The following SPAG16 variants were observed in gnomAD, a reference collection of about 807,000 sequenced individuals.
The protein encoded by SPAG16 is sperm-associated antigen 16 protein.
SPAG16 carries 86 observed loss-of-function variants against 80.4 expected under a neutral mutation model. The ratio of observed to expected loss-of-function variants is 1.07; its 90% CI spans 0.90 to 1.28. The LOEUF is 1.28. SPAG16 is among the 50% of genes most tolerant of loss of function. SPAG16 has a pLI of 0.00. For synonymous variants in SPAG16, 294 were observed against 265.9 expected (o/e 1.11, Z -1.03); for missense variants, 870 against 765.3 (o/e 1.14, Z -1.61).
intron 13 of SPAG16, among the ~76,000 whole-genome samples, chr2:214,107,264 G>T (rs1304237181): frequency 6.6e-6 from 1 of 152,098 alleles, no homozygotes; most frequent in African/African-American, 2.4e-5. Flanking sequence ...TGAGAATAAG[G>T]TTCTTTGTCT....
At chr2:213,301,185 A>G (rs1462909179) in intron 3 of SPAG16, among the ~76,000 whole-genome samples, 1 of 152,138 alleles carries the variant, frequency 6.6e-6, no homozygotes, top group African/African-American at 2.4e-5. Flanking sequence ...ACTAGTCTCA[A>G]GAAAAAGAGC....
At chr2:213,618,357 T>C (rs2061665935) in intron 10 of SPAG16, among the ~76,000 whole-genome samples, 1 of 152,232 alleles carries the variant, frequency 6.6e-6, no homozygotes, top group Non-Finnish European at 1.5e-5. Context: ...TATTATGATA[T>C]TTTTCCTTCA....
At chr2:213,326,367 AG>A (rs2063839794) in intron 5 of SPAG16, among the ~76,000 whole-genome samples, 1 of 152,018 alleles carries the variant, frequency 6.6e-6, no homozygotes, top group South Asian at 2.1e-4. Flanking sequence ...AGACCCATTT[AG>A]TTTTATGACT....
chr2:214,397,520 T>A (rs1701468608), intron 15 of SPAG16, among the ~76,000 whole-genome samples: 1 of 152,172 alleles, frequency 6.6e-6, no homozygotes. Flanking sequence ...TTCTATTCCT[T>A]CGCAACTATA....
At chr2:214,246,529 ATACT>A (rs1306495981) in intron 15 of SPAG16, among the ~76,000 whole-genome samples, 3 of 152,110 alleles carry the variant, frequency 2.0e-5, no homozygotes, top group Non-Finnish European at 4.4e-5. Context: ...AACCCTGAGC[ATACT>A]ATAAGCCCTT....
chr2:214,126,882 T>C (rs1041500451), intron 14 of SPAG16, among the ~76,000 whole-genome samples: 2 of 151,886 alleles, frequency 1.3e-5, no homozygotes, highest in African/African-American at 4.8e-5. Flanking sequence ...TACATATATA[T>C]TTTTAAAAGG....
In SPAG16 at chr2:213,637,150, G is replaced by T. The variant is rs1003294685; in HGVS notation, c.1070+147060G>T. The stretch of plus-strand genomic sequence containing the variant: ...CCCTTCTATGCTGATTTTGCTGAGG[G>T]TTTAAATCATAAAGGCATGCTGGAT... On this transcript the variant is annotated intron_variant, in intron 10 of 15. Coordinates refer to ENST00000331683, the MANE Select transcript of SPAG16 (RefSeq NM_024532.5). Among the ~76,000 whole-genome samples the T allele has an allele frequency of 2.0e-5, 3 of 152,238 alleles. No homozygotes were observed. In the East Asian group the frequency reaches 5.8e-4, roughly 29 times the overall value.
chr2:214,088,217 T>A (rs2051913698), intron 13 of SPAG16, among the ~76,000 whole-genome samples: 2 of 151,150 alleles, frequency 1.3e-5, no homozygotes, highest in African/African-American at 4.9e-5. Context: ...GAAAAAAAAA[T>A]TAGATAAAAG....
At position 213,441,044 on chromosome 2, in the gene SPAG16, T is replaced by A. The variant is rs758220753; in HGVS notation, c.943-48919T>A. Among the ~76,000 whole-genome samples the A allele has an allele frequency of 5.3e-5, 8 of 152,324 alleles. No individual in the cohort carries two copies. In the East Asian group the frequency reaches 1.5e-3, roughly 29 times the overall value. ...TTTTCATGTATTATAGGTGGATGAA[T>A]AAATTGGCATAATTAGTTTGGAAAA... On this transcript the variant is annotated intron_variant, in intron 9 of 15. Coordinates refer to ENST00000331683, the MANE Select transcript of SPAG16 (RefSeq NM_024532.5).
At chr2:214,016,080 A>G (rs1221948489) in intron 13 of SPAG16, among the ~76,000 whole-genome samples, 1 of 152,034 alleles carries the variant, frequency 6.6e-6, no homozygotes, top group Non-Finnish European at 1.5e-5. Context: ...GAGTCATGAG[A>G]TTTTCAGAGC....
chr2:214,401,422 T>C (rs1430877067), intron 15 of SPAG16, among the ~76,000 whole-genome samples: 1 of 151,976 alleles, frequency 6.6e-6, no homozygotes. Flanking sequence ...TGTTATTTCA[T>C]ATATGGCACA....
At chr2:214,270,876 A>G (rs1204338137) in intron 15 of SPAG16, among the ~76,000 whole-genome samples, 2 of 152,170 alleles carry the variant, frequency 1.3e-5, no homozygotes, top group African/African-American at 4.8e-5. Context: ...GATGTGTCAC[A>G]ATAATGATCA....
At chr2:213,624,781 G>A (rs1300846901) in intron 10 of SPAG16, among the ~76,000 whole-genome samples, 1 of 152,072 alleles carries the variant, frequency 6.6e-6, no homozygotes, top group Non-Finnish European at 1.5e-5. Context: ...GATACTTAAG[G>A]CCTTTGTCTC....
chr2:213,446,407 C>T (rs73986847), intron 9 of SPAG16, among the ~76,000 whole-genome samples: 2,138 of 152,222 alleles, frequency 0.014, 46 homozygotes, highest in African/African-American at 0.048. Flanking sequence ...AACTGAACTT[C>T]AGGAAATGAA....
chr2:214,317,796 A>C (rs1695793656), intron 15 of SPAG16, among the ~76,000 whole-genome samples: 1 of 152,218 alleles, frequency 6.6e-6, no homozygotes, highest in South Asian at 2.1e-4. Context: ...GAGTTGAGAA[A>C]AATTTTTCCA....
chr2:213,889,757 C>T (rs1032063478), intron 11 of SPAG16, among the ~76,000 whole-genome samples: 1 of 148,792 alleles, frequency 6.7e-6, no homozygotes, highest in African/African-American at 2.5e-5. Context: ...TTTTTAACCG[C>T]CCACCTATGT....
chr2:214,003,240 G>A (rs1402595372), intron 12 of SPAG16, among the ~76,000 whole-genome samples: 1 of 152,098 alleles, frequency 6.6e-6, no homozygotes, highest in African/African-American at 2.4e-5. Flanking sequence ...TGACACTGTG[G>A]GAGATCGGTT....
chr2:213,623,690 G>T (rs1193479722), intron 10 of SPAG16, among the ~76,000 whole-genome samples: 2 of 152,026 alleles, frequency 1.3e-5, no homozygotes, highest in African/African-American at 2.4e-5. Flanking sequence ...AGTAGGTTAG[G>T]CACTTTAAAA....
At chr2:213,876,509 G>C (rs545658038) in intron 11 of SPAG16, among the ~76,000 whole-genome samples, 1 of 152,036 alleles carries the variant, frequency 6.6e-6, no homozygotes, top group South Asian at 2.1e-4. Flanking sequence ...AAATGAAGTA[G>C]AAGAGATTAC....
Sources: gnomAD v4.1 joint callset for allele counts (sites outside exome capture counted in the v4.1 genomes callset) on GRCh38, gnomAD v4.1.1 for gene constraint, MANE v1.5 for transcripts, NCBI Gene and HGNC (gene_info 2026-07-23, HGNC 2026-07-21) for gene names.